Variants in FAM228A observed in about 807,000 individuals in gnomAD.
The protein encoded by FAM228A is protein FAM228A.
In FAM228A, 13 loss-of-function variants were observed where a neutral mutation model predicts 18.6. The observed-to-expected ratio is 0.70, with a 90% CI of 0.45 to 1.11. FAM228A has a LOEUF of 1.11. Ranked by LOEUF, FAM228A falls within the 50% of genes least tolerant of loss-of-function variation. The pLI is 0.00. For synonymous variants in FAM228A, 77 were observed against 86.6 expected, an observed-to-expected ratio of 0.89 and a Z score of 0.61; for missense variants, 240 against 242.2, an observed-to-expected ratio of 0.99 and a Z score of 0.06.
chr2:24,183,242 C>T, intron 3 of FAM228A, 43 bp from the exon 4 acceptor site: 1 of 1,359,058 alleles, frequency 7.4e-7, no homozygotes, highest in Non-Finnish European at 1.1e-6. Context: ...AAGCTTAATA[C>T]AGACTGCACT....
chr2:24,179,601 A>G (rs745995047), intron 3 of FAM228A, among the ~76,000 whole-genome samples: 1 of 152,200 alleles, frequency 6.6e-6, no homozygotes, highest in Non-Finnish European at 1.5e-5. Flanking sequence ...ACAGCATAAC[A>G]ATGTCAGGTT....
chr2:24,177,744 G>T, intron 2 of FAM228A, 58 bp from the exon 3 acceptor site: 1 of 965,706 alleles, frequency 1.0e-6, no homozygotes, highest in Non-Finnish European at 1.6e-6. Flanking sequence ...ACTGAGTTTT[G>T]TCATTGTAGT....
chr2:24,190,161 G>C (rs527358765), intron 5 of FAM228A, among the ~76,000 whole-genome samples: 1 of 152,134 alleles, frequency 6.6e-6, no homozygotes, highest in Non-Finnish European at 1.5e-5. Flanking sequence ...CAGCCATAGG[G>C]ATTGAAGCTC....
chr2:24,190,423 T>C lies in FAM228A; in HGVS notation c.413T>C (p.Leu138Pro). 6.2e-7 allele frequency: 1 copy of C among 1,609,230 alleles called. No homozygotes were observed. Among genetic ancestry groups the C allele is most frequent in the Non-Finnish European group, 8.5e-7 (1 of 1,178,682 alleles). The change falls in exon 6 of 6, where the codon CTC (leucine) becomes CCC (proline). Residue 138 changes from leucine to proline, a missense_variant. Leu to Pro is a moderately conservative substitution (Grantham distance 98, BLOSUM62 -3). Coordinates refer to ENST00000295150, the MANE Select transcript of FAM228A (RefSeq NM_001040710.3). Reference sequence around the variant, plus strand: ...GCTTTTCTTCACAGTCCTGAAAAGCTCATCTATGCAGACAAGAAACAGAAA... The same window carrying C: ...GCTTTTCTTCACAGTCCTGAAAAGCCCATCTATGCAGACAAGAAACAGAAA... Reference protein sequence around the residue: ...SKTYKYSPEKLIYADKKQKRK... With the variant: ...SKTYKYSPEKPIYADKKQKRK...
chr2:24,180,305 G>A (rs1573802944), intron 3 of FAM228A, among the ~76,000 whole-genome samples: 5 of 115,702 alleles, frequency 4.3e-5, no homozygotes, highest in Admixed American at 2.6e-4. Context: ...AAAAAAAAAA[G>A]CCCAGGTGTG....
intron 5 of FAM228A, among the ~76,000 whole-genome samples, chr2:24,187,697 G>A (rs1002140389): frequency 2.6e-5 from 4 of 152,100 alleles, no homozygotes; most frequent in African/African-American, 9.6e-5. Context: ...TAGCCTTTTC[G>A]GACTTCACCT....
chr2:24,190,323 G>C (rs1262630868), intron 5 of FAM228A, 89 bp from the exon 6 acceptor site: 4 of 1,411,444 alleles, frequency 2.8e-6, no homozygotes, highest in Admixed American at 2.8e-5. Flanking sequence ...AGTGACGATT[G>C]AGTTCATTGC....
chr2:24,188,095 T>G (rs1017242637), intron 5 of FAM228A, among the ~76,000 whole-genome samples: 3 of 152,170 alleles, frequency 2.0e-5, no homozygotes, highest in African/African-American at 7.2e-5. Flanking sequence ...TTCTCACTGA[T>G]CCCCTGTCTC....
chr2:24,182,902 C>T (rs1667848466), intron 3 of FAM228A, among the ~76,000 whole-genome samples: 1 of 152,230 alleles, frequency 6.6e-6, no homozygotes, highest in African/African-American at 2.4e-5. Flanking sequence ...CTCTGTACGA[C>T]ATCCTCATCT....
rs1377543553 is a variant in FAM228A at position 24,183,588 on chromosome 2, T to C, written c.344T>C (p.Ile115Thr). The C allele has an allele frequency of 6.2e-7, 1 of 1,614,014 alleles. No homozygotes were observed. The highest frequency in any genetic ancestry group is 1.1e-5 in the South Asian group (1 of 91,050). ...PYFTFTSHCV[I>T]PKEWHKASAR... ...TTCACTTTCACTTCACACTGTGTGA[T>C]TCCAAAAGAGTGGCATAAAGCCTCT... is the stretch of plus-strand genomic sequence containing the variant. The change falls in exon 5 of 6, where the codon ATT becomes ACT. Residue 115 changes from isoleucine to threonine, a missense_variant. By Grantham distance (89) the Ile-to-Thr change is moderately conservative (BLOSUM62 -1). Transcript: ENST00000295150.
At chr2:24,179,121 T>G (rs761649508) in intron 3 of FAM228A, 1 of 1,063,530 alleles carries the variant, frequency 9.4e-7, no homozygotes, top group East Asian at 9.1e-5. Context: ...AGATTGGATA[T>G]GTATTTTCAG....
In FAM228A at chr2:24,191,569, T is replaced by G. The variant is rs1668086384; in HGVS notation, c.*938T>G. 1 of 886,534 alleles carries G rather than the reference T, an allele frequency of 1.1e-6. No individual in the cohort carries two copies. The highest frequency in any genetic ancestry group is 1.4e-6 in the Non-Finnish European group (1 of 739,274). The allele number at this position is 886,534 out of a possible 1,614,324, so 54.9% of individuals were successfully genotyped here. ...GATGATTTGCTATAGGTATTCATTG[T>G]GAAATGTTTGCCACAGTCAAGCTTG... is the stretch of plus-strand genomic sequence containing the variant. On this transcript the variant is annotated 3_prime_UTR_variant, in exon 6 of 6. Transcript: ENST00000295150.
In FAM228A at chr2:24,191,342, C is replaced by T. The variant is rs1668080191; in HGVS notation, c.*711C>T. On this transcript the variant is annotated 3_prime_UTR_variant, in exon 6 of 6. Coordinates refer to ENST00000295150, the MANE Select transcript of FAM228A (RefSeq NM_001040710.3). ...TGGGGGACTGCTGCTGCTTTCCAGCCTGTGAGCCTGGATAGGTATTTTGTG... is the reference window on the plus strand; with the variant it reads ...TGGGGGACTGCTGCTGCTTTCCAGCTTGTGAGCCTGGATAGGTATTTTGTG... 1.0e-6 allele frequency: 1 copy of T among 985,550 alleles called. No homozygotes were observed. Among genetic ancestry groups the T allele is most frequent in the African/African-American group, 1.7e-5 (1 of 57,252 alleles). 61.1% of individuals were successfully genotyped at this position (985,550 alleles called of 1,614,324 possible).
chr2:24,179,182 G>A, intron 3 of FAM228A: 1 of 1,168,628 alleles, frequency 8.6e-7, no homozygotes, highest in African/African-American at 1.6e-5. Flanking sequence ...ATAAAAAATG[G>A]GTTGAAAATG....
chr2:24,180,713 T>C (rs1032126682), intron 3 of FAM228A, among the ~76,000 whole-genome samples: 54 of 152,280 alleles, frequency 3.5e-4, no homozygotes, highest in African/African-American at 1.2e-3. Flanking sequence ...TGAGCTGGAT[T>C]CCAAGAAAAC....
rs1668081204 is a variant in FAM228A, at chr2:24,191,387, C to G, written c.*756C>G. ...TTTGTGACCCAGCTCCTGCTCAGTC[C>G]CATCGCTGTCCCCGGTCTCTCCAGG... On this transcript the variant is annotated 3_prime_UTR_variant, in exon 6 of 6. Transcript: ENST00000295150. 1.0e-6 allele frequency: 1 copy of G among 985,340 alleles called. No individual in the cohort carries two copies. The highest frequency in any genetic ancestry group is 4.7e-5 in the South Asian group (1 of 21,292). The allele number at this position is 985,340 out of a possible 1,614,324, so 61.0% of individuals were successfully genotyped here.
At chr2:24,183,903 C>T (rs531375891) in intron 5 of FAM228A, among the ~76,000 whole-genome samples, 1 of 152,296 alleles carries the variant, frequency 6.6e-6, no homozygotes, top group East Asian at 1.9e-4. Flanking sequence ...CAGTCTTCTC[C>T]CTGCCCCAGA....
chr2:24,175,241 G>T (rs944449711), intron 1 of FAM228A, 67 bp downstream of exon 1: 8 of 501,210 alleles, frequency 1.6e-5, no homozygotes, highest in Admixed American at 3.4e-5. Context: ...GCAGGGCCAG[G>T]GGGGCGCGCC....
At chr2:24,175,238 C>T in intron 1 of FAM228A, 64 bp downstream of exon 1, 3 of 493,980 alleles carry the variant, frequency 6.1e-6, no homozygotes, top group Non-Finnish European at 1.1e-5. Context: ...GTGGCAGGGC[C>T]AGGGGGGCGC....
Sources: gnomAD v4.1 joint callset for allele counts (sites outside exome capture counted in the v4.1 genomes callset) on GRCh38, gnomAD v4.1.1 for gene constraint, MANE v1.5 for transcripts, NCBI Gene and HGNC (gene_info 2026-07-23, HGNC 2026-07-21) for gene names.